CFH: variants seen among roughly 807,000 people sequenced by gnomAD.
The protein encoded by CFH is complement factor H.
A neutral mutation model predicts 147.3 loss-of-function variants in CFH; 53 were observed. The observed-to-expected ratio is 0.36, with a 90% CI of 0.29 to 0.45. The LOEUF is 0.45. Among genes scored for constraint, CFH ranks in the 20% least tolerant of loss-of-function variants. CFH has a pLI of 1.00. For missense variants in CFH, 1,380 were observed against 1,498.0 expected (o/e 0.92, Z 1.30); for synonymous variants, 536 against 489.4 (o/e 1.10, Z -1.26).
chr1:196,736,070 C>T (rs554491103), intron 15 of CFH, among the ~76,000 whole-genome samples: 6 of 152,088 alleles, frequency 3.9e-5, no homozygotes, highest in African/African-American at 1.4e-4. Flanking sequence ...GCTTCATTTT[C>T]ATATTATGAA....
At chr1:196,688,075 G>A (rs1408833191) in intron 7 of CFH, among the ~76,000 whole-genome samples, 2 of 151,890 alleles carry the variant, frequency 1.3e-5, no homozygotes, top group Non-Finnish European at 2.9e-5. Context: ...ATTTATATGT[G>A]TGTGTGTGTA....
chr1:196,688,249 T>C (rs1027778098), intron 7 of CFH, among the ~76,000 whole-genome samples: 1 of 152,022 alleles, frequency 6.6e-6, no homozygotes, highest in Non-Finnish European at 1.5e-5. Flanking sequence ...AACCTGTTAA[T>C]ATAATAAACA....
chr1:196,711,376 A>T lies in CFH; in HGVS notation c.1337-2359A>T, dbSNP rs564908050. On this transcript the variant is annotated intron_variant, in intron 9 of 21. Coordinates refer to ENST00000367429, the MANE Select transcript of CFH (RefSeq NM_000186.4). Reference sequence around the variant, plus strand: ...ACTTTTGATATATAGTATATCAATCAGTGTTTGGCTGGAGTAGGGTGAGTA... The same window carrying T: ...ACTTTTGATATATAGTATATCAATCTGTGTTTGGCTGGAGTAGGGTGAGTA... Among the ~76,000 whole-genome samples, 5 of 152,226 alleles carry T rather than the reference A, an allele frequency of 3.3e-5. No homozygotes were observed. In the South Asian group the frequency reaches 8.3e-4, roughly 25 times the overall value.
chr1:196,726,283 T>C (rs1669134858), intron 12 of CFH, among the ~76,000 whole-genome samples, 187 bp from the exon 13 acceptor site: 1 of 152,196 alleles, frequency 6.6e-6, no homozygotes, highest in Admixed American at 6.6e-5. Flanking sequence ...CATTTTAATA[T>C]ACCTTCAATA....
intron 9 of CFH, among the ~76,000 whole-genome samples, chr1:196,712,381 AT>A (rs1490821465): frequency 1.3e-5 from 2 of 150,992 alleles, no homozygotes; most frequent in Non-Finnish European, 3.0e-5. Context: ...ATAATAATTT[AT>A]TTTCAGTTTT....
At chr1:196,671,126 C>A (rs1368707089) in intron 1 of CFH, among the ~76,000 whole-genome samples, 1 of 151,838 alleles carries the variant, frequency 6.6e-6, no homozygotes, top group African/African-American at 2.4e-5. Flanking sequence ...GATTTTTGAT[C>A]CAATTTTAAG....
chr1:196,736,226 A>T (rs1436833369), intron 15 of CFH, among the ~76,000 whole-genome samples: 1 of 152,106 alleles, frequency 6.6e-6, no homozygotes, highest in Admixed American at 6.6e-5. Context: ...ATATCCCTAA[A>T]CAGTACAGGT....
chr1:196,701,046 G>C (rs1668434624), intron 9 of CFH, among the ~76,000 whole-genome samples: 1 of 152,058 alleles, frequency 6.6e-6, no homozygotes, highest in Non-Finnish European at 1.5e-5. Context: ...CCCTTCAGAT[G>C]GAAAAAGACT....
intron 1 of CFH, among the ~76,000 whole-genome samples, chr1:196,671,846 C>T (rs1667292458): frequency 1.3e-5 from 2 of 148,746 alleles, no homozygotes; most frequent in Admixed American, 1.4e-4. Context: ...ATCTTAAATG[C>T]TCATATATAA....
chr1:196,664,005 T>C (rs898900600), intron 1 of CFH, among the ~76,000 whole-genome samples: 1 of 152,202 alleles, frequency 6.6e-6, no homozygotes, highest in Admixed American at 6.5e-5. Context: ...TACTGTCTCG[T>C]CAGCTTTCTA....
intron 15 of CFH, among the ~76,000 whole-genome samples, chr1:196,735,389 T>A (rs1002404406): frequency 3.3e-5 from 5 of 152,138 alleles, no homozygotes; most frequent in African/African-American, 9.7e-5. Context: ...CAAATAAAAA[T>A]ATGCATACAC....
At chr1:196,694,061 G>A (rs753880260) in intron 9 of CFH, among the ~76,000 whole-genome samples, 20 of 151,156 alleles carry the variant, frequency 1.3e-4, no homozygotes, top group African/African-American at 2.7e-4. Context: ...ATAAGTATAC[G>A]TGTGCCATGG....
At position 196,743,614 on chromosome 1, in the gene CFH, C is replaced by T. The variant is rs1324167994; in HGVS notation, c.3296C>T (p.Pro1099Leu). The change falls in exon 20 of 22, where the codon CCA becomes CTA. Residue 1099 changes from proline (P) to leucine (L), a missense_variant. Physicochemically the swap from Pro to Leu is moderately conservative, Grantham distance 98. Transcript: ENST00000367429. ...VMCLNGNWTE[P>L]PQCKDSTGKC... Reference sequence around the variant, plus strand: ...TGTTTAAATGGAAACTGGACGGAACCACCTCAATGCAAAGGTAGAGTATTA... The same window carrying T: ...TGTTTAAATGGAAACTGGACGGAACTACCTCAATGCAAAGGTAGAGTATTA... 1 of 1,613,866 alleles carries T rather than the reference C, an allele frequency of 6.2e-7. No homozygotes were observed. The highest frequency in any genetic ancestry group is 1.3e-5 in the African/African-American group (1 of 74,930).
intron 15 of CFH, among the ~76,000 whole-genome samples, chr1:196,734,804 G>A (rs980992812): frequency 2.0e-5 from 3 of 151,778 alleles, no homozygotes; most frequent in Non-Finnish European, 2.9e-5. Context: ...AAAACCAATT[G>A]TAATGCCTTT....
chr1:196,657,591 G>A (rs1666747791), intron 1 of CFH, among the ~76,000 whole-genome samples: 2 of 152,154 alleles, frequency 1.3e-5, no homozygotes, highest in African/African-American at 2.4e-5. Context: ...GTATACCAAA[G>A]CCAAAGGATT....
intron 11 of CFH, among the ~76,000 whole-genome samples, chr1:196,716,944 A>T (rs1334609181): frequency 6.6e-6 from 1 of 152,110 alleles, no homozygotes; most frequent in African/African-American, 2.4e-5. Flanking sequence ...GAATATCATC[A>T]TATAAATGAT....
At chr1:196,725,013 C>A in intron 11 of CFH, 108 bp from the exon 12 acceptor site, 1 of 824,060 alleles carries the variant, frequency 1.2e-6, no homozygotes, top group Non-Finnish European at 2.0e-6. Context: ...TTATCTGATG[C>A]CCCTCTGTAT....
chr1:196,671,687 T>C (rs1009034466), intron 1 of CFH, among the ~76,000 whole-genome samples: 4 of 149,618 alleles, frequency 2.7e-5, no homozygotes, highest in Non-Finnish European at 4.4e-5. Context: ...ATATATACTA[T>C]ATATGTGTGT....
At chr1:196,736,019 C>T (rs939951007) in intron 15 of CFH, among the ~76,000 whole-genome samples, 61 of 152,018 alleles carry the variant, frequency 4.0e-4, no homozygotes, top group African/African-American at 1.4e-3. Flanking sequence ...ATAGAATGCT[C>T]CCAGATGCTT....
Sources: gnomAD v4.1 joint callset for allele counts (sites outside exome capture counted in the v4.1 genomes callset) on GRCh38, gnomAD v4.1.1 for gene constraint, MANE v1.5 for transcripts, NCBI Gene and HGNC (gene_info 2026-07-23, HGNC 2026-07-21) for gene names.